The following MAGI2 variants were observed in gnomAD, a reference collection of about 807,000 sequenced individuals.
MAGI2 encodes the protein membrane-associated guanylate kinase, WW and PDZ domain-containing protein 2.
In MAGI2, 35 loss-of-function variants were observed where a neutral mutation model predicts 133.3. That is an observed-to-expected ratio of 0.26 (90% CI 0.20 to 0.35). The LOEUF (loss-of-function observed/expected upper bound fraction) is 0.35, where lower values mean the gene tolerates loss of function less well. MAGI2 is among the 10% of genes least tolerant of loss of function. MAGI2 has a pLI of 1.00. For missense variants in MAGI2, 1,636 were observed against 1,863.4 expected (o/e 0.88, Z 2.25); for synonymous variants, 729 against 710.6 (o/e 1.03, Z -0.41).
intron 2 of MAGI2, among the ~76,000 whole-genome samples, chr7:78,666,968 T>C (rs531285211): frequency 6.6e-6 from 1 of 152,158 alleles, no homozygotes; most frequent in African/African-American, 2.4e-5. Context: ...GAAAAATTCT[T>C]AAAGACTATG....
intron 1 of MAGI2, among the ~76,000 whole-genome samples, chr7:79,177,379 C>T (rs1168266799): frequency 6.6e-6 from 1 of 151,900 alleles, no homozygotes; most frequent in African/African-American, 2.4e-5. Flanking sequence ...ACTTTTTTAT[C>T]ATTTTATGTA....
At chr7:78,585,113 T>G (rs550828088) in intron 3 of MAGI2, among the ~76,000 whole-genome samples, 1 of 152,108 alleles carries the variant, frequency 6.6e-6, no homozygotes, top group Non-Finnish European at 1.5e-5. Context: ...TTACTTTGAG[T>G]TGGTAATAGT....
chr7:78,808,887 AC>A (rs1788812801), intron 2 of MAGI2, among the ~76,000 whole-genome samples: 1 of 152,308 alleles, frequency 6.6e-6, no homozygotes, highest in Admixed American at 6.5e-5. Context: ...CATGACCCTA[AC>A]TTTTAATTAG....
chr7:79,313,944 A>T (rs1838500198), intron 1 of MAGI2, among the ~76,000 whole-genome samples: 1 of 151,906 alleles, frequency 6.6e-6, no homozygotes, highest in Non-Finnish European at 1.5e-5. Flanking sequence ...CTGAGACTAC[A>T]GGAACACACC....
intron 2 of MAGI2, among the ~76,000 whole-genome samples, chr7:78,799,147 C>T (rs1265259014): frequency 2.6e-5 from 4 of 152,078 alleles, no homozygotes; most frequent in East Asian, 1.9e-4. Flanking sequence ...GTCTTGCTAA[C>T]GATTTGCTGA....
intron 1 of MAGI2, among the ~76,000 whole-genome samples, chr7:79,035,314 G>A (rs752302623): frequency 1.3e-5 from 2 of 151,946 alleles, no homozygotes; most frequent in Non-Finnish European, 2.9e-5. Flanking sequence ...TTTTAGTTTT[G>A]CTTTATGAAA....
chr7:78,889,360 A>G (rs1796545957), intron 2 of MAGI2, among the ~76,000 whole-genome samples: 1 of 152,194 alleles, frequency 6.6e-6, no homozygotes. Context: ...CAACATTCAA[A>G]TTCAGGAAAT....
intron 1 of MAGI2, among the ~76,000 whole-genome samples, chr7:79,276,506 A>G (rs142031615): frequency 1.8e-4 from 28 of 152,334 alleles, no homozygotes; most frequent in African/African-American, 6.0e-4. Context: ...ATTTTAAATT[A>G]AGATGCATAC....
intron 2 of MAGI2, among the ~76,000 whole-genome samples, chr7:78,931,879 T>C (rs995925819): frequency 6.6e-6 from 1 of 151,540 alleles, no homozygotes; most frequent in East Asian, 2.0e-4. Flanking sequence ...GCATTCCTAA[T>C]ACAAACATTT....
chr7:78,804,781 C>A (rs1293167269), intron 2 of MAGI2, among the ~76,000 whole-genome samples: 1 of 94,212 alleles, frequency 1.1e-5, no homozygotes, highest in South Asian at 3.3e-4. Context: ...AACCTTTGGC[C>A]CTTTGGCTGG....
chr7:79,336,545 C>T (rs78589409), intron 1 of MAGI2, among the ~76,000 whole-genome samples: 16 of 151,976 alleles, frequency 1.1e-4, no homozygotes, highest in South Asian at 4.1e-4. Flanking sequence ...TTATAATGTA[C>T]GTATTGATAA....
chr7:78,671,523 C>T (rs1239064994), intron 2 of MAGI2, among the ~76,000 whole-genome samples: 2 of 152,060 alleles, frequency 1.3e-5, no homozygotes, highest in African/African-American at 4.8e-5. Flanking sequence ...CTGTTATTTG[C>T]TGCAAAATTG....
At chr7:78,824,235 A>G (rs1790425299) in intron 2 of MAGI2, among the ~76,000 whole-genome samples, 1 of 152,204 alleles carries the variant, frequency 6.6e-6, no homozygotes. Flanking sequence ...GATAAAAGTG[A>G]TGGAGATTCA....
intron 6 of MAGI2, among the ~76,000 whole-genome samples, chr7:78,480,626 A>T (rs1170720206): frequency 6.6e-6 from 1 of 151,962 alleles, no homozygotes; most frequent in Non-Finnish European, 1.5e-5. Context: ...AGCTTAAATA[A>T]GAAATATCTT....
chr7:79,418,529 G>A (rs112447832), intron 1 of MAGI2, among the ~76,000 whole-genome samples: 3,030 of 152,058 alleles, frequency 0.02, 50 homozygotes, highest in Middle Eastern at 0.048. Flanking sequence ...AGATCATTAC[G>A]ATGAAAGACC....
rs115045887 is a variant in MAGI2 at position 78,476,364 on chromosome 7, T to C, written c.1045+13397A>G. Among the ~76,000 whole-genome samples the C allele has an allele frequency of 4.3e-3, 651 of 151,914 alleles. 3 individuals carry two copies. Among genetic ancestry groups the C allele is most frequent in the African/African-American group, 0.015 (611 of 41,488 alleles). On this transcript the variant is annotated intron_variant, in intron 6 of 21. Transcript: ENST00000354212. ...AAGAAAGAATATAAATTAGAAAAAG[T>C]TGAAAAGATAATGCGGGAGAAAGTA... is the stretch of plus-strand genomic sequence containing the variant.
chr7:78,705,524 T>A (rs1464381173), intron 2 of MAGI2, among the ~76,000 whole-genome samples: 1 of 152,134 alleles, frequency 6.6e-6, no homozygotes, highest in Non-Finnish European at 1.5e-5. Flanking sequence ...AGATAACCAC[T>A]GATTTTCTCC....
Position 78,395,584 on chromosome 7 carries a change from A to T in MAGI2, c.1046-26371T>A, listed in dbSNP as rs138040021. 3.4e-3 allele frequency among the ~76,000 whole-genome samples: 516 copies of T among 152,318 alleles called. 2 individuals are homozygous for T. The highest frequency in any genetic ancestry group is 6.0e-3 in the Non-Finnish European group (410 of 68,034). ...GTAGGGAGGAGGTAGAAATGACCCA[A>T]CGCAGAAACCCTATTCTGTAATTCA... On this transcript the variant is annotated intron_variant, in intron 6 of 21. Transcript: ENST00000354212.
chr7:78,050,747 C>T (rs1005695818), intron 21 of MAGI2, among the ~76,000 whole-genome samples: 7 of 152,134 alleles, frequency 4.6e-5, no homozygotes, highest in Admixed American at 4.6e-4. Flanking sequence ...TCTCGGGGGC[C>T]TGTCTGCTCT....
Sources: gnomAD v4.1 joint callset for allele counts (sites outside exome capture counted in the v4.1 genomes callset) on GRCh38, gnomAD v4.1.1 for gene constraint, MANE v1.5 for transcripts, NCBI Gene and HGNC (gene_info 2026-07-23, HGNC 2026-07-21) for gene names.